Variants in KCNH1 observed in about 807,000 individuals in gnomAD.
KCNH1 encodes the protein voltage-gated delayed rectifier potassium channel KCNH1.
Under a neutral mutation model 69.2 loss-of-function variants are expected in KCNH1, and 27 were observed. The observed-to-expected ratio is 0.39, with a 90% confidence interval of 0.29 to 0.54. The LOEUF is 0.54. Among genes scored for constraint, KCNH1 ranks in the 20% least tolerant of loss-of-function variants. KCNH1 has a pLI of 0.68. For missense variants in KCNH1, 798 were observed against 1,261.6 expected (o/e 0.63, Z 5.57); for synonymous variants, 456 against 487.7 (o/e 0.93, Z 0.86).
chr1:210,872,789 C>G (rs941758243), intron 7 of KCNH1, among the ~76,000 whole-genome samples: 1 of 152,270 alleles, frequency 6.6e-6, no homozygotes, highest in Admixed American at 6.5e-5. Context: ...CCCCATGATC[C>G]AATCACCTCC....
intron 7 of KCNH1, among the ~76,000 whole-genome samples, chr1:210,903,296 C>T (rs1687033595): frequency 6.6e-6 from 1 of 152,182 alleles, no homozygotes; most frequent in Non-Finnish European, 1.5e-5. Context: ...TAGACTGCTG[C>T]CTCTGGAAGT....
intron 9 of KCNH1, among the ~76,000 whole-genome samples, chr1:210,784,082 G>A (rs1684045582): frequency 6.6e-6 from 1 of 152,182 alleles, no homozygotes; most frequent in South Asian, 2.1e-4. Flanking sequence ...CCCTGACTGT[G>A]GACCAGAAAG....
At chr1:210,826,783 T>A (rs1397227376) in intron 7 of KCNH1, among the ~76,000 whole-genome samples, 1 of 152,212 alleles carries the variant, frequency 6.6e-6, no homozygotes, top group Non-Finnish European at 1.5e-5. Flanking sequence ...CAACTGACTA[T>A]GTGTGAAAAG....
intron 7 of KCNH1, among the ~76,000 whole-genome samples, chr1:210,855,514 T>C (rs536394068): frequency 7.9e-5 from 12 of 152,346 alleles, no homozygotes; most frequent in Admixed American, 4.6e-4. Flanking sequence ...ATTTTTAGGA[T>C]GTGGCCTTGA....
chr1:210,948,206 A>G (rs1201026347), intron 6 of KCNH1, among the ~76,000 whole-genome samples: 2 of 151,268 alleles, frequency 1.3e-5, no homozygotes, highest in African/African-American at 4.8e-5. Context: ...GTCTCTTTAA[A>G]AAAAAAAAAA....
chr1:211,090,469 TGA>T (rs1691032860), intron 4 of KCNH1, 91 bp downstream of exon 4: 7 of 1,105,452 alleles, frequency 6.3e-6, no homozygotes, highest in Non-Finnish European at 9.0e-6. Flanking sequence ...GTTTGTAAAG[TGA>T]TTGCCTTGAC....
chr1:211,004,942 A>T (rs1022896103), intron 6 of KCNH1, among the ~76,000 whole-genome samples: 1 of 152,140 alleles, frequency 6.6e-6, no homozygotes, highest in Non-Finnish European at 1.5e-5. Context: ...AAAAATTCCA[A>T]AATTCTAAAA....
At chr1:211,060,397 T>A in intron 5 of KCNH1, among the ~76,000 whole-genome samples, 3 of 49,668 alleles carry the variant, frequency 6.0e-5, no homozygotes, top group Non-Finnish European at 7.3e-5. Flanking sequence ...CGAGACTCCG[T>A]CTCAAAAAAA....
chr1:210,990,988 A>G (rs185835310), intron 6 of KCNH1, among the ~76,000 whole-genome samples: 254 of 152,310 alleles, frequency 1.7e-3, no homozygotes, highest in Non-Finnish European at 3.1e-3. Flanking sequence ...AATTCTCTCT[A>G]AAGGCCCTTA....
At chr1:210,769,593 C>T (rs1574245169) in intron 10 of KCNH1, among the ~76,000 whole-genome samples, 1 of 152,166 alleles carries the variant, frequency 6.6e-6, no homozygotes, top group East Asian at 1.9e-4. Flanking sequence ...AAAAATAAAG[C>T]CCTACACACA....
At chr1:210,782,134 AC>A (rs567135017) in intron 9 of KCNH1, among the ~76,000 whole-genome samples, 10 of 152,250 alleles carry the variant, frequency 6.6e-5, no homozygotes, top group African/African-American at 2.4e-4. Context: ...TCCTGGAAAC[AC>A]CCATCGTAAT....
intron 6 of KCNH1, among the ~76,000 whole-genome samples, chr1:211,008,052 T>C (rs865902055): frequency 6.6e-6 from 1 of 152,142 alleles, no homozygotes; most frequent in South Asian, 2.1e-4. Flanking sequence ...CTTCTATATA[T>C]ATATACCCAA....
At chr1:210,821,015 G>A (rs1371746795) in intron 7 of KCNH1, among the ~76,000 whole-genome samples, 3 of 152,172 alleles carry the variant, frequency 2.0e-5, no homozygotes, top group East Asian at 1.9e-4. Flanking sequence ...CTATTATAGC[G>A]CAATAGGAAA....
At chr1:210,699,734 C>G (rs1197692447) in intron 10 of KCNH1, among the ~76,000 whole-genome samples, 8 of 152,224 alleles carry the variant, frequency 5.3e-5, no homozygotes, top group Admixed American at 5.2e-4. Context: ...CTACACATGA[C>G]TTTTTCCTGG....
chr1:211,002,348 A>G (rs1318881502), intron 6 of KCNH1, among the ~76,000 whole-genome samples: 2 of 143,640 alleles, frequency 1.4e-5, no homozygotes, highest in African/African-American at 5.0e-5. Flanking sequence ...GTATATATAT[A>G]TATATACACA....
chr1:210,810,295 A>G (rs138389104), intron 7 of KCNH1, among the ~76,000 whole-genome samples: 128 of 152,270 alleles, frequency 8.4e-4, no homozygotes, highest in African/African-American at 2.9e-3. Flanking sequence ...TGTCCTGCAT[A>G]TTATAACCTG....
chr1:210,987,603 T>C (rs1239824308), intron 6 of KCNH1, among the ~76,000 whole-genome samples: 2 of 152,172 alleles, frequency 1.3e-5, no homozygotes, highest in Non-Finnish European at 2.9e-5. Context: ...CAGCGGATAT[T>C]GGTGAACCGC....
rs191695561 is a variant in KCNH1 at position 210,803,176 on chromosome 1, C to T, written c.1662+791G>A. Among the ~76,000 whole-genome samples, 263 of 152,216 alleles carry T rather than the reference C, an allele frequency of 1.7e-3. 2 individuals are homozygous for T. Among genetic ancestry groups the T allele is most frequent in the African/African-American group, 5.9e-3 (246 of 41,540 alleles). On this transcript the variant is annotated intron_variant, in intron 8 of 10. Coordinates refer to ENST00000271751, the MANE Select transcript of KCNH1 (RefSeq NM_172362.3). ...AGAGTGCAGTGGCATTATCTTGGCTCGCTGCAGCCTCTGCCTCCTGGATTC... is the reference window on the plus strand; with the variant it reads ...AGAGTGCAGTGGCATTATCTTGGCTTGCTGCAGCCTCTGCCTCCTGGATTC...
intron 9 of KCNH1, among the ~76,000 whole-genome samples, chr1:210,780,776 G>A (rs961097460): frequency 5.3e-5 from 8 of 152,186 alleles, no homozygotes; most frequent in Non-Finnish European, 8.8e-5. Flanking sequence ...GGCCGGGCGC[G>A]GTGGCTCACG....
Sources: gnomAD v4.1 joint callset for allele counts (sites outside exome capture counted in the v4.1 genomes callset) on GRCh38, gnomAD v4.1.1 for gene constraint, MANE v1.5 for transcripts, NCBI Gene and HGNC (gene_info 2026-07-23, HGNC 2026-07-21) for gene names.